Variants in TTN observed in about 807,000 individuals in gnomAD.
TTN encodes titin, also known as connectin.
Under a neutral mutation model 3,223.0 loss-of-function variants are expected in TTN, and 1,525 were observed. The observed-to-expected ratio is 0.47, with a 90% CI of 0.45 to 0.49. TTN has a LOEUF of 0.49. Ranked by LOEUF, TTN falls within the 20% of genes least tolerant of loss-of-function variation. TTN has a pLI of 0.00. For synonymous variants in TTN, 14,094 were observed against 15,161.0 expected, an observed-to-expected ratio of 0.93 and a Z score of 5.17; for missense variants, 40,786 against 43,424.0, an observed-to-expected ratio of 0.94 and a Z score of 5.40.
chr2:178,660,738 G>C (rs1398612663), intron 180 of TTN, among the ~76,000 whole-genome samples: 4 of 152,308 alleles, frequency 2.6e-5, no homozygotes, highest in South Asian at 2.1e-4. Flanking sequence ...AGAATGAACA[G>C]GCAACCCACA....
rs770212539 is a variant in TTN at position 178,707,512 on chromosome 2, T to C, written c.29041+14A>G. On this transcript the variant is annotated intron_variant, in intron 100 of 362. Transcript: ENST00000589042. Reference sequence around the variant, plus strand: ...GCTGGCTTGAGCTGCATAATACTTTTGAGGTGTCTGTACCTTTAATGGTCA... The same window carrying C: ...GCTGGCTTGAGCTGCATAATACTTTCGAGGTGTCTGTACCTTTAATGGTCA... 8 of 1,603,846 alleles carry C rather than the reference T, an allele frequency of 5.0e-6. No individual in the cohort carries two copies. The highest frequency in any genetic ancestry group is 1.7e-4 in the Middle Eastern group (1 of 6,056).
At position 178,642,325 on chromosome 2, in the gene TTN, G is replaced by T. The variant is rs1553756571; in HGVS notation, c.40478-8C>A. 1 of 1,573,294 alleles carries T rather than the reference G, an allele frequency of 6.4e-7. No individual in the cohort carries two copies. Among genetic ancestry groups the T allele is most frequent in the South Asian group, 1.2e-5 (1 of 84,236 alleles). On this transcript the variant is annotated splice_polypyrimidine_tract_variant and splice_region_variant and intron_variant, in intron 218 of 362. Transcript: ENST00000589042. ...TCTTTTCACCTCCAGGCACTTAAAA[G>T]AATATGATTTCAAATTTTGAAGTGA... is the stretch of plus-strand genomic sequence containing the variant.
In TTN at chr2:178,576,896, G is replaced by A. The variant is rs1218159613; in HGVS notation, c.69412+27C>T. On this transcript the variant is annotated intron_variant, in intron 324 of 362. Coordinates refer to ENST00000589042, the MANE Select transcript of TTN (RefSeq NM_001267550.2). This position sits in a 1 kb window ranked among gnomAD's most constrained non-coding sequence, Gnocchi z 4.3. ...TAAACTCTGCTATAAATGTTTCCAT[G>A]TCAATTCCCTCACATGCTCTACATA... The A allele has an allele frequency of 1.2e-6, 2 of 1,605,454 alleles. No homozygotes were observed. The highest frequency in any genetic ancestry group is 2.7e-5 in the African/African-American group (2 of 74,136).
intron 137 of TTN, 23 bp from the exon 138 acceptor site, chr2:178,681,194 A>G: frequency 1.3e-6 from 2 of 1,580,648 alleles, no homozygotes; most frequent in African/African-American, 1.4e-5. Flanking sequence ...TAATTATTAA[A>G]GAGCATTAAA....
Position 178,741,797 on chromosome 2 carries a change from AT to A in TTN, c.11435del (p.Asp3812ValfsTer20). On this transcript the variant is annotated frameshift_variant, in exon 48 of 363. Transcript: ENST00000589042. LOFTEE classifies it high-confidence loss of function. ...TTGGGCCAGTGCCTTCCTTTTCGGA[AT>A]CAAATTTAGTTGGGTAAACTGGAGA... ...SESPVYPTKFDSEKEGTGPIF... is the reference protein window; with the variant it reads ...SESPVYPTKFXSEKEGTGPIF... The A allele has an allele frequency of 6.2e-7, 1 of 1,613,316 alleles. No individual in the cohort carries two copies. The highest frequency in any genetic ancestry group is 8.5e-7 in the Non-Finnish European group (1 of 1,179,634).
intron 46 of TTN, among the ~76,000 whole-genome samples, chr2:178,755,761 T>A (rs890660293): frequency 1.3e-5 from 2 of 152,180 alleles, no homozygotes; most frequent in Admixed American, 6.6e-5. Context: ...TCTATTTTCA[T>A]GGCCCCTTTG....
In TTN at chr2:178,712,842, T is replaced by C. The variant is rs2076864677; in HGVS notation, c.27183A>G (p.Pro9061=). The C allele has an allele frequency of 6.2e-7, 1 of 1,613,708 alleles. No homozygotes were observed. The highest frequency in any genetic ancestry group is 8.5e-7 in the Non-Finnish European group (1 of 1,179,790). ...SWFKGSSELV[P]GDRCNVSLED... ...CCAAAGACACGTTGCATCTGTCACC[T>C]GGTACTAGTTCACTGCTACCTTTGA... Residue 9061 remains proline, a synonymous_variant, in exon 94 of 363, where the codon CCA becomes CCG. Transcript: ENST00000589042.
Position 178,715,664 on chromosome 2 carries a change from A to G in TTN, c.25750T>C (p.Tyr8584His). 6.2e-7 allele frequency: 1 copy of G among 1,613,074 alleles called. No individual in the cohort carries two copies. The highest frequency in any genetic ancestry group is 1.1e-5 in the South Asian group (1 of 90,960). Residue 8584 changes from tyrosine to histidine, a missense_variant, in exon 89 of 363, where the codon TAT (tyrosine) becomes CAT (histidine). Coordinates refer to ENST00000589042, the MANE Select transcript of TTN (RefSeq NM_001267550.2). ...GGSPEIKVLW[Y>H]KDETEIQESS... Reference sequence around the variant, plus strand: ...TCTTGAATTTCAGTCTCGTCCTTATACCATAAAACTTTGATTTCTGGAGAC... The same window carrying G: ...TCTTGAATTTCAGTCTCGTCCTTATGCCATAAAACTTTGATTTCTGGAGAC...
chr2:178,681,853 C>T (rs938025614), intron 135 of TTN, 115 bp from the exon 136 acceptor site: 1 of 839,324 alleles, frequency 1.2e-6, no homozygotes, highest in African/African-American at 1.8e-5. Flanking sequence ...TAGCCATAGC[C>T]TATTGAAGTA....
chr2:178,530,793 T>C lies in TTN; in HGVS notation c.105822A>G (p.Thr35274=). Residue 35274 remains threonine, a synonymous_variant, in exon 358 of 363, where the codon ACA becomes ACG. Transcript: ENST00000589042. ...VSPTETKPTP[T]EKVQHLPVSA... is the part of the protein sequence containing the mutation. ...AGACTGGGAGGTGCTGAACTTTCTC[T>C]GTTGGTGTTGGTTTTGTCTCTGTGG... The C allele has an allele frequency of 6.2e-7, 1 of 1,613,926 alleles. No individual in the cohort carries two copies. The highest frequency in any genetic ancestry group is 1.1e-5 in the South Asian group (1 of 91,068).
chr2:178,619,400 C>G, intron 250 of TTN: 1 of 579,328 alleles, frequency 1.7e-6, no homozygotes, highest in Non-Finnish European at 3.0e-6. Flanking sequence ...TCATCATGTA[C>G]TAGCAACTGT....
At position 178,594,222 on chromosome 2, in the gene TTN, C is replaced by T. The variant is rs377633051; in HGVS notation, c.58171G>A (p.Asp19391Asn). 1.6e-5 allele frequency: 25 copies of T among 1,612,906 alleles called. No individual in the cohort carries two copies. In the African/African-American group the frequency reaches 2.4e-4, roughly 16 times the overall value. Residue 19391 changes from aspartate to asparagine, a missense_variant, in exon 297 of 363, where the codon GAC becomes AAC. Asp to Asn is a conservative substitution (Grantham distance 23, BLOSUM62 1). Coordinates refer to ENST00000589042, the MANE Select transcript of TTN (RefSeq NM_001267550.2). ...CGAATCGTGAGCTTATCTCTGAAGTCGAGGTGAAGCGTTGGGGGTGCTAAA... is the reference window on the plus strand; with the variant it reads ...CGAATCGTGAGCTTATCTCTGAAGTTGAGGTGAAGCGTTGGGGGTGCTAAA... ...DELAPPTLHL[D>N]FRDKLTIRVG...
Position 178,770,131 on chromosome 2 carries a change from G to C in TTN, c.8570C>G (p.Ser2857Cys), listed in dbSNP as rs1003498795. 2 of 1,614,032 alleles carry C rather than the reference G, an allele frequency of 1.2e-6. No homozygotes were observed. Among genetic ancestry groups the C allele is most frequent in the Non-Finnish European group, 1.7e-6 (2 of 1,180,016 alleles). Residue 2857 changes from serine to cysteine, a missense_variant, in exon 36 of 363, where the codon TCC becomes TGC. Physicochemically the swap from Ser to Cys is moderately radical, Grantham distance 112. Coordinates refer to ENST00000589042, the MANE Select transcript of TTN (RefSeq NM_001267550.2). ...TGTGTATTCCCCAGCATCTGAGGGGGAGATGTTCTGCAGCATCAGCTTGTG... is the reference window on the plus strand; with the variant it reads ...TGTGTATTCCCCAGCATCTGAGGGGCAGATGTTCTGCAGCATCAGCTTGTG... ...KVHKLMLQNI[S>C]PSDAGEYTAV...
chr2:178,552,545 G>A lies in TTN; in HGVS notation c.90355C>T (p.Pro30119Ser), dbSNP rs1183493843. 6.2e-7 allele frequency: 1 copy of A among 1,613,714 alleles called. No homozygotes were observed. The highest frequency in any genetic ancestry group is 1.1e-5 in the South Asian group (1 of 91,074). ...KGLSDPVTIGPITVKELIITP... is the reference protein window; with the variant it reads ...KGLSDPVTIGSITVKELIITP... ...ATAATAAGTTCTTTCACTGTAATTGGCCCAATAGTGACAGGATCACTCAGT... is the reference window on the plus strand; with the variant it reads ...ATAATAAGTTCTTTCACTGTAATTGACCCAATAGTGACAGGATCACTCAGT... The change falls in exon 335 of 363, where the codon CCA becomes TCA. Residue 30119 changes from proline (P) to serine (S), a missense_variant. Coordinates refer to ENST00000589042, the MANE Select transcript of TTN (RefSeq NM_001267550.2).
chr2:178,550,300 ATT>A, intron 336 of TTN, 27 bp from the exon 337 acceptor site: 1 of 1,573,008 alleles, frequency 6.4e-7, no homozygotes, highest in Non-Finnish European at 8.6e-7. Context: ...AATACTATGT[ATT>A]AGTTTGGCTT....
Position 178,539,229 on chromosome 2 carries a change from A to G in TTN, c.98706T>C (p.Asn32902=), listed in dbSNP as rs1693188246. The G allele has an allele frequency of 6.2e-7, 1 of 1,613,452 alleles. No homozygotes were observed. The highest frequency in any genetic ancestry group is 1.3e-5 in the African/African-American group (1 of 74,904). Residue 32902 remains asparagine, a synonymous_variant, in exon 353 of 363, where the codon AAT becomes AAC. Transcript: ENST00000589042. ...TPLNPPEPPS[N]PPEVLDVTKS... The stretch of plus-strand genomic sequence containing the variant: ...TGGTTACATCGAGTACTTCTGGAGG[A>G]TTGCTTGGAGGTTCTGGAGGATCTG...
chr2:178,746,416 C>T (rs763068739), intron 47 of TTN: 1 of 1,610,094 alleles, frequency 6.2e-7, no homozygotes, highest in Non-Finnish European at 8.5e-7. Flanking sequence ...TCACTATTTT[C>T]ACCTGCTTCT....
chr2:178,757,148 G>GCTTTCAGTAAGTAATACTGTACTTA (rs2087305446), intron 45 of TTN, among the ~76,000 whole-genome samples: 10 of 95,710 alleles, frequency 1.0e-4, no homozygotes, highest in African/African-American at 4.9e-4. Flanking sequence ...TCCACTGTAT[G>GCTTTCAGTAAGTAATACTGTACTTA]CTTTAAGTAC....
rs2154230322 is a variant in TTN at position 178,636,079 on chromosome 2, A to G, written c.41492T>C (p.Ile13831Thr). 6.2e-7 allele frequency: 1 copy of G among 1,613,250 alleles called. No homozygotes were observed. Among genetic ancestry groups the G allele is most frequent in the Non-Finnish European group, 8.5e-7 (1 of 1,179,522 alleles). The change falls in exon 226 of 363, where the codon ATT becomes ACT. Residue 13831 changes from isoleucine (I) to threonine (T), a missense_variant. Physicochemically the swap from Ile to Thr is moderately conservative, Grantham distance 89. Coordinates refer to ENST00000589042, the MANE Select transcript of TTN (RefSeq NM_001267550.2). The surrounding 1 kb of genome is among the most constrained non-coding windows in gnomAD (Gnocchi z 4.3). ...EKPGRIVPGVIGLMRALTIND... is the reference protein window; with the variant it reads ...EKPGRIVPGVTGLMRALTIND... The stretch of plus-strand genomic sequence containing the variant: ...GATGGTCAGAGCCCGCATCAAGCCA[A>G]TGACGCCTGGCACAATTCGGCCAGG...
Sources: allele counts gnomAD v4.1 joint callset (sites outside exome capture counted in the v4.1 genomes callset), GRCh38; gene constraint gnomAD v4.1.1; non-coding constraint Gnocchi (gnomAD v3.1); transcripts MANE v1.5; gene names NCBI Gene and HGNC (gene_info 2026-07-23, HGNC 2026-07-21).